Variants in PTPRN2 observed in about 807,000 individuals in gnomAD.
PTPRN2 encodes protein tyrosine phosphatase receptor type N2.
Under a neutral mutation model 118.8 loss-of-function variants are expected in PTPRN2, and 74 were observed. The observed-to-expected ratio is 0.62, with a 90% confidence interval of 0.52 to 0.76. The LOEUF (loss-of-function observed/expected upper bound fraction) is 0.76, where lower values mean the gene tolerates loss of function less well. PTPRN2 is among the 30% of genes least tolerant of loss of function. The pLI is 0.00. For synonymous variants in PTPRN2, 641 were observed against 608.0 expected (o/e 1.05, Z -0.80); for missense variants, 1,481 against 1,394.4 (o/e 1.06, Z -0.99).
intron 1 of PTPRN2, among the ~76,000 whole-genome samples, chr7:158,501,601 T>G (rs1035710759): frequency 2.0e-5 from 3 of 152,120 alleles, no homozygotes; most frequent in Admixed American, 1.3e-4. Context: ...GGGGGGGACC[T>G]CCTGCCTCCA....
chr7:158,555,824 GATGAAGACAC>G lies in PTPRN2; in HGVS notation c.112+31724_112+31733del, dbSNP rs1194231848. 2.6e-5 allele frequency among the ~76,000 whole-genome samples: 4 copies of G among 151,978 alleles called. No homozygotes were observed. The highest frequency in any genetic ancestry group is 9.7e-5 in the African/African-American group (4 of 41,392). Reference sequence around the variant, plus strand: ...AGACAGGCTCCAGCAAGCTCAGGATGATGAAGACACATCCTATCTTCGAGGACCCAGCTCG... The same window carrying G: ...AGACAGGCTCCAGCAAGCTCAGGATGATCCTATCTTCGAGGACCCAGCTCG... On this transcript the variant is annotated intron_variant, in intron 1 of 22. Transcript: ENST00000389418. The surrounding 1 kb of genome is among the most constrained non-coding windows in gnomAD (Gnocchi z 4.7).
At chr7:158,094,013 ATT>A (rs1027628136) in intron 10 of PTPRN2, among the ~76,000 whole-genome samples, 6 of 152,194 alleles carry the variant, frequency 3.9e-5, no homozygotes, top group African/African-American at 1.4e-4. Context: ...ATTACATGGG[ATT>A]TGGGAAATCC....
At position 158,011,018 on chromosome 7, in the gene PTPRN2, C is replaced by T. The variant is rs114868083; in HGVS notation, c.1723+70280G>A. Among the ~76,000 whole-genome samples, 1,217 of 152,338 alleles carry T rather than the reference C, an allele frequency of 8.0e-3. 12 individuals are homozygous for T. Among genetic ancestry groups the T allele is most frequent in the African/African-American group, 0.027 (1,126 of 41,570 alleles). On this transcript the variant is annotated intron_variant, in intron 11 of 22. Coordinates refer to ENST00000389418, the MANE Select transcript of PTPRN2 (RefSeq NM_002847.5). ...GAAGTTACCAGTTTGTAAACACAGA[C>T]GGAATCCTGAAATAGGACTGTCACC... is the stretch of plus-strand genomic sequence containing the variant.
At chr7:157,716,968 G>C (rs371118604) in intron 12 of PTPRN2, among the ~76,000 whole-genome samples, 28 of 73,108 alleles carry the variant, frequency 3.8e-4, no homozygotes, top group East Asian at 1.6e-3. Context: ...GCCTGGCCAC[G>C]TAGACTCTGA....
chr7:158,535,224 G>A (rs1162415804), intron 1 of PTPRN2, among the ~76,000 whole-genome samples: 1 of 152,200 alleles, frequency 6.6e-6, no homozygotes, highest in Non-Finnish European at 1.5e-5. Flanking sequence ...GAAGAAAACA[G>A]CAGCTTTGAT....
chr7:157,731,488 TCCCG>T (rs1160365363), intron 12 of PTPRN2, among the ~76,000 whole-genome samples: 13 of 148,122 alleles, frequency 8.8e-5, no homozygotes, highest in African/African-American at 2.3e-4. Context: ...AGTTACCCTT[TCCCG>T]TCCCATGCGC....
chr7:158,120,455 C>T (rs1817068151), intron 9 of PTPRN2, among the ~76,000 whole-genome samples: 1 of 152,174 alleles, frequency 6.6e-6, no homozygotes, highest in Non-Finnish European at 1.5e-5. Context: ...TACCAGCCTT[C>T]GTCCAATCTC....
chr7:158,566,703 T>C (rs570547320), intron 1 of PTPRN2, among the ~76,000 whole-genome samples: 1 of 151,666 alleles, frequency 6.6e-6, no homozygotes, highest in African/African-American at 2.4e-5. Flanking sequence ...TAAAGTGGGG[T>C]TTTTTTTGTT....
rs201032316 is a variant in PTPRN2 at position 157,840,155 on chromosome 7, CTG to C, written c.1788+58516_1788+58517del. On this transcript the variant is annotated intron_variant, in intron 12 of 22. Coordinates refer to ENST00000389418, the MANE Select transcript of PTPRN2 (RefSeq NM_002847.5). ...TGGCCGTCACTGTTACCACATGTGA[CTG>C]TGTGGCCCTGTGTGACTGTGTGACC... Among the ~76,000 whole-genome samples the C allele has an allele frequency of 7.7e-3, 1,098 of 143,372 alleles. 14 individuals carry two copies. The highest frequency in any genetic ancestry group is 0.028 in the African/African-American group (1,036 of 37,458). 94.1% of individuals were successfully genotyped at this position (143,372 alleles called of 152,430 possible).
rs893977930 is a variant in PTPRN2 at position 157,764,194 on chromosome 7, A to G, written c.1789-81257T>C. Among the ~76,000 whole-genome samples the G allele has an allele frequency of 6.6e-6, 1 of 152,242 alleles. No homozygotes were observed. Among genetic ancestry groups the G allele is most frequent in the Admixed American group, 6.5e-5 (1 of 15,288 alleles). ...AGTGGGTCCTCAAAAAACTAACCAC[A>G]GAATCAGCCCAGGACCCAGCAGTTC... is the stretch of plus-strand genomic sequence containing the variant. On this transcript the variant is annotated intron_variant, in intron 12 of 22. Transcript: ENST00000389418. This position sits in a 1 kb window ranked among gnomAD's most constrained non-coding sequence, Gnocchi z 4.5.
chr7:158,152,401 C>T (rs569118932), intron 6 of PTPRN2, among the ~76,000 whole-genome samples: 3 of 152,070 alleles, frequency 2.0e-5, no homozygotes, highest in Admixed American at 6.6e-5. Flanking sequence ...TAGCAGTGAG[C>T]ACTAAGGCCG....
At chr7:158,020,873 G>T (rs1806823741) in intron 11 of PTPRN2, among the ~76,000 whole-genome samples, 1 of 152,162 alleles carries the variant, frequency 6.6e-6, no homozygotes, top group Non-Finnish European at 1.5e-5. Flanking sequence ...CCCTGGTCCT[G>T]CCGGAAGTGT....
chr7:158,158,082 G>A (rs1821995544), intron 6 of PTPRN2, among the ~76,000 whole-genome samples: 1 of 152,028 alleles, frequency 6.6e-6, no homozygotes, highest in Non-Finnish European at 1.5e-5. Flanking sequence ...TAAGCCAAGA[G>A]GCGTGCTTGG....
At position 158,340,648 on chromosome 7, in the gene PTPRN2, G is replaced by T. The variant is rs75209743; in HGVS notation, c.164-23716C>A. 5.1e-5 allele frequency among the ~76,000 whole-genome samples: 4 copies of T among 77,996 alleles called. No individual in the cohort carries two copies. In the East Asian group the frequency reaches 1.4e-3, roughly 27 times the overall value. The allele number at this position is 77,996 out of a possible 152,430, so 51.2% of individuals were successfully genotyped here. ...CACTCACACTCTAGCCATAAGAGCT[G>T]ACGCCCGCAGACGTCACTCACACCC... is the stretch of plus-strand genomic sequence containing the variant. On this transcript the variant is annotated intron_variant, in intron 2 of 22. Coordinates refer to ENST00000389418, the MANE Select transcript of PTPRN2 (RefSeq NM_002847.5).
Position 158,115,575 on chromosome 7 carries a change from G to A in PTPRN2, c.1557-4660C>T, listed in dbSNP as rs147617744. On this transcript the variant is annotated intron_variant, in intron 9 of 22. Transcript: ENST00000389418. Reference sequence around the variant, plus strand: ...TCATGAGGGTGGAGTCTCCTAATGAGATCAGTGCCCTCTACAAGAGGCTCT... The same window carrying A: ...TCATGAGGGTGGAGTCTCCTAATGAAATCAGTGCCCTCTACAAGAGGCTCT... 2.1e-4 allele frequency among the ~76,000 whole-genome samples: 32 copies of A among 152,226 alleles called. No homozygotes were observed. The East Asian group carries it at 6.0e-3, about 29-fold the overall frequency.
intron 4 of PTPRN2, among the ~76,000 whole-genome samples, chr7:158,199,096 C>T (rs140525960): frequency 5.3e-5 from 8 of 152,222 alleles, no homozygotes; most frequent in African/African-American, 1.9e-4. Context: ...CCTTGACTCT[C>T]TTAGCCCTTA....
chr7:158,148,003 T>G (rs1219227654), intron 6 of PTPRN2, among the ~76,000 whole-genome samples: 2 of 12,560 alleles, frequency 1.6e-4, no homozygotes, highest in Non-Finnish European at 1.6e-4. Context: ...TCACGCCACG[T>G]GTCTTTCCCC....
intron 11 of PTPRN2, among the ~76,000 whole-genome samples, chr7:157,909,393 G>T (rs868737377): frequency 6.6e-6 from 1 of 152,182 alleles, no homozygotes; most frequent in Non-Finnish European, 1.5e-5. Context: ...CACTGGGGGG[G>T]GGAGGATGCT....
intron 6 of PTPRN2, among the ~76,000 whole-genome samples, chr7:158,160,613 T>G (rs1822273882): frequency 6.6e-6 from 1 of 152,246 alleles, no homozygotes; most frequent in Admixed American, 6.5e-5. Flanking sequence ...TATGCAGCAG[T>G]GACCCATCAG....
Sources: allele counts gnomAD v4.1 joint callset (sites outside exome capture counted in the v4.1 genomes callset), GRCh38; gene constraint gnomAD v4.1.1; non-coding constraint Gnocchi (gnomAD v3.1); transcripts MANE v1.5; gene names NCBI Gene and HGNC (gene_info 2026-07-23, HGNC 2026-07-21).